Variants in PXDN observed in about 807,000 individuals in gnomAD.
PXDN encodes the protein peroxidasin homolog.
Under a neutral mutation model 140.3 loss-of-function variants are expected in PXDN, and 77 were observed. The observed-to-expected ratio is 0.55, with a 90% confidence interval of 0.46 to 0.66. The LOEUF is 0.66. Among genes scored for constraint, PXDN ranks in the 30% least tolerant of loss-of-function variants. The pLI is 0.00. For synonymous variants in PXDN, 911 were observed against 857.4 expected (o/e 1.06, Z -1.09); for missense variants, 1,838 against 2,039.5 (o/e 0.90, Z 1.90).
Position 1,744,456 on chromosome 2 carries a change from GGCCGACGGC to G in PXDN, c.-10_-2del. ...CGGGGCCCCTGGAGCGCTTGGCCATGGCCGACGGCGCGGACGGACGCTCGGACGCACGGA... is the reference window on the plus strand; with the variant it reads ...CGGGGCCCCTGGAGCGCTTGGCCATGGCGGACGGACGCTCGGACGCACGGA... On this transcript the variant is annotated 5_prime_UTR_variant, in exon 1 of 23. Coordinates refer to ENST00000252804, the MANE Select transcript of PXDN (RefSeq NM_012293.3). The G allele has an allele frequency of 6.8e-7, 1 of 1,461,014 alleles. No homozygotes were observed. The highest frequency in any genetic ancestry group is 1.3e-5 in the South Asian group (1 of 75,318). 90.5% of individuals were successfully genotyped at this position (1,461,014 alleles called of 1,614,324 possible). A position where few individuals can be genotyped will look rare whatever the true frequency, so the allele number is the denominator to read the frequency against.
intron 1 of PXDN, among the ~76,000 whole-genome samples, chr2:1,743,693 A>C (rs1221180528): frequency 7.8e-5 from 2 of 25,656 alleles, no homozygotes; most frequent in Non-Finnish European, 1.6e-4. Context: ...GGGGAGGAGG[A>C]GGAGGAAGGG....
rs1043376669 is a variant in PXDN, at chr2:1,644,712, G to A, written c.3649C>T (p.Leu1217Phe). The A allele has an allele frequency of 1.3e-6, 2 of 1,598,236 alleles. No homozygotes were observed. The highest frequency in any genetic ancestry group is 1.3e-5 in the African/African-American group (1 of 74,492). Residue 1217 changes from leucine (L) to phenylalanine (F), a missense_variant, in exon 18 of 23, where the codon CTC becomes TTC. Physicochemically the swap from Leu to Phe is conservative, Grantham distance 22. Coordinates refer to ENST00000252804, the MANE Select transcript of PXDN (RefSeq NM_012293.3). The part of the protein sequence containing the change: ...STLNIDLFPA[L>F]VVEDLVPGSR... ...CCAGGCACCAGGTCCTCCACCACGA[G>A]CGCCGGAAACAGGTCGATGTTGAGT...
At position 1,744,285 on chromosome 2, in the gene PXDN, C is replaced by T. The variant is rs976820492; in HGVS notation, c.171G>A (p.Val57=). The stretch of plus-strand genomic sequence containing the variant: ...TGGAGGTCTGCGGCGCCACGGCGGG[C>T]ACGGCCTCCAGCAGCAGATGCATGC... The part of the protein sequence containing the change: ...VRCMHLLLEA[V]PAVAPQTSIL... Residue 57 remains valine (V), a synonymous_variant, in exon 1 of 23, where the codon GTG becomes GTA. Coordinates refer to ENST00000252804, the MANE Select transcript of PXDN (RefSeq NM_012293.3). The T allele has an allele frequency of 3.3e-6, 5 of 1,520,124 alleles. No individual in the cohort carries two copies. In the African/African-American group the frequency reaches 7.1e-5, roughly 21 times the overall value. 94.2% of individuals were successfully genotyped at this position (1,520,124 alleles called of 1,614,324 possible). A position where few individuals can be genotyped will look rare whatever the true frequency, so the allele number is the denominator to read the frequency against.
intron 1 of PXDN, among the ~76,000 whole-genome samples, chr2:1,708,287 C>CGG (rs1316840197): frequency 6.6e-6 from 1 of 152,232 alleles, no homozygotes; most frequent in African/African-American, 2.4e-5. Context: ...CCCAGCAGGA[C>CGG]GCTTTAGCCG....
chr2:1,643,698 G>C (rs1682782172), intron 18 of PXDN, 122 bp from the exon 19 acceptor site: 1 of 996,132 alleles, frequency 1.0e-6, no homozygotes, highest in Admixed American at 2.2e-5. Flanking sequence ...GGTTTGATTA[G>C]GTGTCACTTA....
chr2:1,731,736 C>T (rs1481274034), intron 1 of PXDN, among the ~76,000 whole-genome samples: 1 of 152,170 alleles, frequency 6.6e-6, no homozygotes, highest in Non-Finnish European at 1.5e-5. Context: ...TAGAGCTGAG[C>T]CTCCAGTGAA....
intron 8 of PXDN, among the ~76,000 whole-genome samples, chr2:1,675,404 T>C (rs981435366): frequency 1.3e-5 from 2 of 152,194 alleles, no homozygotes; most frequent in African/African-American, 4.8e-5. Context: ...GCCAAATTTA[T>C]GCTTCCCTGA....
chr2:1,662,507 A>G (rs1385360519), intron 12 of PXDN, among the ~76,000 whole-genome samples: 5 of 152,154 alleles, frequency 3.3e-5, no homozygotes, highest in Non-Finnish European at 7.4e-5. Context: ...CCAGTCCCTC[A>G]CCGATGGTGG....
At chr2:1,669,073 G>A (rs1249135784) in intron 9 of PXDN, among the ~76,000 whole-genome samples, 1 of 152,102 alleles carries the variant, frequency 6.6e-6, no homozygotes, top group Non-Finnish European at 1.5e-5. Flanking sequence ...ATGATAGACT[G>A]GATAAAGAAA....
intron 8 of PXDN, 34 bp downstream of exon 8, chr2:1,676,893 T>A: frequency 6.3e-7 from 1 of 1,577,962 alleles, no homozygotes; most frequent in Non-Finnish European, 8.6e-7. Flanking sequence ...CTCCGAGAGA[T>A]GCACAGGGGC....
chr2:1,649,295 G>A lies in PXDN; in HGVS notation c.2485C>T (p.Leu829Phe). The change falls in exon 17 of 23, where the codon CTC becomes TTC. Residue 829 changes from leucine to phenylalanine, a missense_variant. Leu to Phe is a conservative substitution (Grantham distance 22). Transcript: ENST00000252804. This position sits in a 1 kb window ranked among gnomAD's most constrained non-coding sequence, Gnocchi z 7.1. The stretch of plus-strand genomic sequence containing the variant: ...CTCAGGGCCACCACCGTGGAGTCGA[G>A]GTCGTGGTCCAGGAACTGGCCCCAC... ...MQWGQFLDHD[L>F]DSTVVALSQA... 1 of 1,613,642 alleles carries A rather than the reference G, an allele frequency of 6.2e-7. No homozygotes were observed. Among genetic ancestry groups the A allele is most frequent in the Non-Finnish European group, 8.5e-7 (1 of 1,179,850 alleles).
chr2:1,736,286 A>C (rs1685423545), intron 1 of PXDN, among the ~76,000 whole-genome samples: 1 of 152,170 alleles, frequency 6.6e-6, no homozygotes. Flanking sequence ...CTTTTGATTT[A>C]AAGTAAGGGA....
At chr2:1,740,987 G>A (rs1009973813) in intron 1 of PXDN, among the ~76,000 whole-genome samples, 2 of 152,192 alleles carry the variant, frequency 1.3e-5, no homozygotes, top group Admixed American at 1.3e-4. Flanking sequence ...CAGAACTGCA[G>A]TTTGGGACAA....
Position 1,649,208 on chromosome 2 carries a change from A to G in PXDN, c.2572T>C (p.Phe858Leu). Residue 858 changes from phenylalanine to leucine, a missense_variant, in exon 17 of 23, where the codon TTC becomes CTC. By Grantham distance (22) the Phe-to-Leu change is conservative. Around this residue, in one of 5 missense-constraint regions of PXDN, gnomAD observed 850 missense variants for 894.1 expected, o/e 0.95. Transcript: ENST00000252804. This position sits in a 1 kb window ranked among gnomAD's most constrained non-coding sequence, Gnocchi z 7.1. ...SNVCSNDPPC[F>L]SVMIPPNDSR... is the part of the protein sequence containing the mutation. Reference sequence around the variant, plus strand: ...TCATTGGGGGGGATCATGACAGAGAAGCAGGGGGGGTCGTTGCTGCACACG... The same window carrying G: ...TCATTGGGGGGGATCATGACAGAGAGGCAGGGGGGGTCGTTGCTGCACACG... 1 of 1,288,174 alleles carries G rather than the reference A, an allele frequency of 7.8e-7. No individual in the cohort carries two copies. The highest frequency in any genetic ancestry group is 1.1e-6 in the Non-Finnish European group (1 of 947,480). 79.8% of individuals were successfully genotyped at this position (1,288,174 alleles called of 1,614,324 possible).
At position 1,666,489 on chromosome 2, in the gene PXDN, G is replaced by C; in HGVS notation, c.1019-3C>G. The stretch of plus-strand genomic sequence containing the variant: ...CTGGATTACAAAAGTGGGTCGAGCT[G>C]TCACAATTAAACAGAAATTCTCAAT... On this transcript the variant is annotated splice_region_variant and splice_polypyrimidine_tract_variant and intron_variant, in intron 9 of 22. Transcript: ENST00000252804. 6.3e-7 allele frequency: 1 copy of C among 1,586,284 alleles called. No individual in the cohort carries two copies. The highest frequency in any genetic ancestry group is 8.6e-7 in the Non-Finnish European group (1 of 1,158,930).
rs943279848 is a variant in PXDN at position 1,714,880 on chromosome 2, GC to G, written c.201-21747del. 4.6e-5 allele frequency among the ~76,000 whole-genome samples: 7 copies of G among 152,144 alleles called. No homozygotes were observed. The highest frequency in any genetic ancestry group is 8.8e-5 in the Non-Finnish European group (6 of 68,038). On this transcript the variant is annotated intron_variant, in intron 1 of 22. Transcript: ENST00000252804. The surrounding 1 kb of genome is among the most constrained non-coding windows in gnomAD (Gnocchi z 4.3). ...TCCCTCTCCAGGCTCTGGGAGCCTG[GC>G]CTGGCGCCCTGTCTTGCTCACCCTG...
At chr2:1,738,334 G>A (rs373845819) in intron 1 of PXDN, among the ~76,000 whole-genome samples, 2 of 152,066 alleles carry the variant, frequency 1.3e-5, no homozygotes, top group Non-Finnish European at 2.9e-5. Flanking sequence ...GAGTAGGAGC[G>A]GGGAAGATCT....
In PXDN at chr2:1,643,424, C is replaced by A; in HGVS notation, c.3896G>T (p.Gly1299Val). 1.9e-6 allele frequency: 3 copies of A among 1,613,954 alleles called. No individual in the cohort carries two copies. The highest frequency in any genetic ancestry group is 2.5e-6 in the Non-Finnish European group (3 of 1,179,894). ...FRVAEFPHGYGSCDEIPRVDL... is the reference protein window; with the variant it reads ...FRVAEFPHGYVSCDEIPRVDL... ...TACCCTGGGGATCTCGTCACAGCTG[C>A]CGTAGCCGTGAGGGAACTCCGCCAC... is the stretch of plus-strand genomic sequence containing the variant. The change falls in exon 19 of 23, where the codon GGC (glycine) becomes GTC (valine). Residue 1299 changes from glycine to valine, a missense_variant. Around this residue, in one of 5 missense-constraint regions of PXDN, gnomAD observed 850 missense variants for 894.1 expected, o/e 0.95. Coordinates refer to ENST00000252804, the MANE Select transcript of PXDN (RefSeq NM_012293.3).
At chr2:1,656,491 A>G (rs1228712989) in intron 14 of PXDN, among the ~76,000 whole-genome samples, 3 of 152,210 alleles carry the variant, frequency 2.0e-5, no homozygotes, top group Admixed American at 6.5e-5. Flanking sequence ...CTCTATGGGG[A>G]CCTGCCCCCT....
Sources: gnomAD v4.1 joint callset for allele counts (sites outside exome capture counted in the v4.1 genomes callset) on GRCh38, gnomAD v4.1.1 for gene constraint, gnomAD v4.1.1 regional missense constraint, Gnocchi (gnomAD v3.1) non-coding constraint, MANE v1.5 for transcripts, NCBI Gene and HGNC (gene_info 2026-07-23, HGNC 2026-07-21) for gene names.